PRSS55: variants seen among roughly 807,000 people sequenced by gnomAD.
PRSS55 encodes probable serine protease UNQ9391/PRO34284.
A neutral mutation model predicts 23.6 loss-of-function variants in PRSS55; 41 were observed. The ratio of observed to expected loss-of-function variants is 1.74; its 90% CI spans 1.35 to 2.26. The LOEUF (loss-of-function observed/expected upper bound fraction) is 2.26, where lower values mean the gene tolerates loss of function less well. PRSS55 is among the 30% of genes most tolerant of loss of function. PRSS55 has a pLI of 0.00. For synonymous variants in PRSS55, 262 were observed against 175.5 expected (o/e 1.49, Z -3.90); for missense variants, 669 against 439.1 (o/e 1.52, Z -4.68).
intron 4 of PRSS55, among the ~76,000 whole-genome samples, chr8:10,537,310 C>T (rs1298358812): frequency 6.6e-6 from 1 of 152,266 alleles, no homozygotes; most frequent in East Asian, 1.9e-4. Flanking sequence ...AAATGAAATC[C>T]TGTCCTTTAC....
At chr8:10,540,031 C>G (rs992961471), downstream of PRSS55, among the ~76,000 whole-genome samples, 4 of 152,196 alleles carry the variant, frequency 2.6e-5, no homozygotes, top group African/African-American at 4.8e-5. Flanking sequence ...CTCTTGCTCT[C>G]TCCTTCATGT....
chr8:10,539,213 G>T (rs893288919), downstream of PRSS55, among the ~76,000 whole-genome samples: 2 of 152,166 alleles, frequency 1.3e-5, no homozygotes, highest in African/African-American at 4.8e-5. Flanking sequence ...ATTCCCTGTT[G>T]TTCTAGGAAG....
At chr8:10,553,171 C>T (rs561055766) in intron 4 of PRSS55, among the ~76,000 whole-genome samples, 6 of 152,320 alleles carry the variant, frequency 3.9e-5, no homozygotes, top group South Asian at 2.1e-4. Flanking sequence ...CTGATGGTTT[C>T]ATAAGGGGCT....
chr8:10,547,560 G>C (rs1319236978), intron 4 of PRSS55: 9 of 152,810 alleles, frequency 5.9e-5, no homozygotes, highest in Non-Finnish European at 1.3e-4. Context: ...CCACATCCCT[G>C]GGCCTCCCGG....
intron 4 of PRSS55, among the ~76,000 whole-genome samples, chr8:10,537,054 G>C (rs1207628956): frequency 6.6e-6 from 1 of 152,108 alleles, no homozygotes; most frequent in African/African-American, 2.4e-5. Context: ...AGAAAATCTT[G>C]GGTTACAGGA....
At chr8:10,539,938 C>T (rs1314808044), downstream of PRSS55, among the ~76,000 whole-genome samples, 1 of 152,230 alleles carries the variant, frequency 6.6e-6, no homozygotes, top group African/African-American at 2.4e-5. Context: ...GCAGGCAGGC[C>T]TGAGCTCCCC....
chr8:10,549,725 C>G (rs1315885437), intron 4 of PRSS55, among the ~76,000 whole-genome samples: 1 of 152,200 alleles, frequency 6.6e-6, no homozygotes, highest in African/African-American at 2.4e-5. Context: ...CTCCCCCTGA[C>G]TTTGGAGAAA....
chr8:10,527,338 T>A lies in PRSS55; in HGVS notation c.154+1599T>A, dbSNP rs558897994. On this transcript the variant is annotated intron_variant, in intron 1 of 4. Coordinates refer to ENST00000328655, the MANE Select transcript of PRSS55 (RefSeq NM_198464.4). ...TCATCAGATGCACACATGTGCTGCC[T>A]TCCAGACACCCGGAGTGGAGTCATT... Among the ~76,000 whole-genome samples the A allele has an allele frequency of 3.3e-5, 5 of 152,360 alleles. No homozygotes were observed. The South Asian group carries it at 1.0e-3, about 32-fold the overall frequency.
chr8:10,553,235 T>C (rs1053403614), intron 4 of PRSS55, among the ~76,000 whole-genome samples: 3 of 152,248 alleles, frequency 2.0e-5, no homozygotes, highest in Admixed American at 2.0e-4. Flanking sequence ...GACATGCCTT[T>C]GCTTCACTCT....
At chr8:10,525,999 G>C (rs944970699) in intron 1 of PRSS55, among the ~76,000 whole-genome samples, 1 of 152,200 alleles carries the variant, frequency 6.6e-6, no homozygotes, top group Non-Finnish European at 1.5e-5. Context: ...AACTAGCTGA[G>C]ACTGAGTCCT....
rs377316926 is a variant in PRSS55, at chr8:10,538,573, A to T, written c.839A>T (p.Asn280Ile). Reference sequence around the variant, plus strand: ...TGGGGAAAGAGCTGTGGAGAGAAGAACACCCCAGGGATATACACCTCGTTG... The same window carrying T: ...TGGGGAAAGAGCTGTGGAGAGAAGATCACCCCAGGGATATACACCTCGTTG... The part of the protein sequence containing the change: ...ISWGKSCGEK[N>I]TPGIYTSLVN... The change falls in exon 5 of 5, where the codon AAC becomes ATC. Residue 280 changes from asparagine to isoleucine, a missense_variant. Physicochemically the swap from Asn to Ile is moderately radical, Grantham distance 149. Transcript: ENST00000328655. The T allele has an allele frequency of 5.6e-6, 9 of 1,614,100 alleles. No homozygotes were observed. The highest frequency in any genetic ancestry group is 7.6e-6 in the Non-Finnish European group (9 of 1,179,982).
intron 4 of PRSS55, among the ~76,000 whole-genome samples, chr8:10,547,142 C>G (rs900476817): frequency 2.0e-5 from 3 of 152,182 alleles, no homozygotes; most frequent in Admixed American, 2.0e-4. Flanking sequence ...AGTCACCGCT[C>G]CTATTTATAG....
At chr8:10,533,144 T>G (rs1812332756) in intron 4 of PRSS55, 96 bp downstream of exon 4, 1 of 1,335,528 alleles carries the variant, frequency 7.5e-7, no homozygotes, top group East Asian at 2.3e-5. Context: ...TAGACAATTC[T>G]GAGTCTGGAA....
chr8:10,549,601 G>A (rs138232357), intron 4 of PRSS55, among the ~76,000 whole-genome samples: 12 of 152,276 alleles, frequency 7.9e-5, no homozygotes, highest in South Asian at 2.1e-4. Context: ...TCTAAGATGC[G>A]AAACAAGGCC....
rs190614928 is a variant in PRSS55, at chr8:10,538,547, C to T, written c.813C>T (p.Ser271=). 32 of 1,614,152 alleles carry T rather than the reference C, an allele frequency of 2.0e-5. No individual in the cohort carries two copies. In the East Asian group the frequency reaches 7.1e-4, roughly 36 times the overall value. ...AGTGGTACCAGGTGGGCATCATAAG[C>T]TGGGGAAAGAGCTGTGGAGAGAAGA... is the stretch of plus-strand genomic sequence containing the variant. ...GEKWYQVGII[S]WGKSCGEKNT... Residue 271 remains serine (S), a synonymous_variant, in exon 5 of 5, where the codon AGC becomes AGT. Transcript: ENST00000328655.
At chr8:10,548,074 G>C (rs1812862524) in intron 4 of PRSS55, among the ~76,000 whole-genome samples, 1 of 152,174 alleles carries the variant, frequency 6.6e-6, no homozygotes, top group South Asian at 2.1e-4. Context: ...TGCTCCGTGT[G>C]AAAGAGTGTC....
intron 4 of PRSS55, among the ~76,000 whole-genome samples, chr8:10,537,239 A>T (rs955748872): frequency 6.6e-6 from 1 of 152,222 alleles, no homozygotes; most frequent in Non-Finnish European, 1.5e-5. Context: ...GTTTCCACGA[A>T]TGGATGAATT....
At chr8:10,553,876 A>G in intron 4 of PRSS55, 1 of 1,069,832 alleles carries the variant, frequency 9.3e-7, no homozygotes, top group Non-Finnish European at 1.3e-6. Context: ...ACATAAATCA[A>G]AGCACCACAT....
chr8:10,542,940 G>A (rs1037606134), downstream of PRSS55, among the ~76,000 whole-genome samples: 1 of 151,530 alleles, frequency 6.6e-6, no homozygotes, highest in Non-Finnish European at 1.5e-5. Context: ...TCAAGGCTCA[G>A]GTGTCTGTGG....
Sources: allele counts gnomAD v4.1 joint callset (sites outside exome capture counted in the v4.1 genomes callset), GRCh38; gene constraint gnomAD v4.1.1; transcripts MANE v1.5; gene names NCBI Gene and HGNC (gene_info 2026-07-23, HGNC 2026-07-21).